Variants in CADM2 observed in about 807,000 individuals in gnomAD.
CADM2 encodes the protein immunoglobulin superfamily member 4D.
A neutral mutation model predicts 49.8 loss-of-function variants in CADM2; 12 were observed. The observed-to-expected ratio is 0.24, with a 90% CI of 0.15 to 0.39. The LOEUF is 0.39. CADM2 is among the 10% of genes least tolerant of loss of function. CADM2 has a pLI of 1.00. For missense variants in CADM2, 378 were observed against 492.3 expected (o/e 0.77, Z 2.20); for synonymous variants, 214 against 175.4 (o/e 1.22, Z -1.74).
chr3:85,794,009 C>T (rs2071483871), intron 2 of CADM2, among the ~76,000 whole-genome samples: 1 of 152,100 alleles, frequency 6.6e-6, no homozygotes. Context: ...CTTTAAGGTG[C>T]ATAAATATGG....
At chr3:85,602,209 A>T (rs1008098808) in intron 1 of CADM2, among the ~76,000 whole-genome samples, 1 of 151,786 alleles carries the variant, frequency 6.6e-6, no homozygotes, top group Non-Finnish European at 1.5e-5. Context: ...AACCATTTTA[A>T]TTTATGTTCT....
intron 3 of CADM2, among the ~76,000 whole-genome samples, chr3:85,815,138 G>A (rs1035399012): frequency 1.2e-4 from 18 of 151,984 alleles, no homozygotes; most frequent in Non-Finnish European, 1.5e-5. Flanking sequence ...AGAACCAGAC[G>A]GATTCACAGC....
At chr3:85,072,227 C>A (rs1489104323) in intron 1 of CADM2, among the ~76,000 whole-genome samples, 1 of 151,696 alleles carries the variant, frequency 6.6e-6, no homozygotes, top group Non-Finnish European at 1.5e-5. Flanking sequence ...AGAAAAAATT[C>A]CCCTGAAAGT....
chr3:85,460,284 A>AAC (rs1190282716), intron 1 of CADM2, among the ~76,000 whole-genome samples: 2 of 151,880 alleles, frequency 1.3e-5, no homozygotes, highest in Non-Finnish European at 2.9e-5. Flanking sequence ...GTTCAGAAAA[A>AAC]AAAATGTGTT....
At chr3:86,043,811 T>C (rs1345276251) in intron 8 of CADM2, among the ~76,000 whole-genome samples, 3 of 152,124 alleles carry the variant, frequency 2.0e-5, no homozygotes, top group Non-Finnish European at 4.4e-5. Flanking sequence ...CTTCAAACTA[T>C]ACTACAAGGC....
intron 3 of CADM2, among the ~76,000 whole-genome samples, chr3:85,876,493 G>T (rs13320560): frequency 6.6e-6 from 1 of 151,814 alleles, no homozygotes; most frequent in African/African-American, 2.4e-5. Context: ...TCCCAGTTTG[G>T]GAAAGTTTCA....
chr3:85,470,091 T>A (rs2038700878), intron 1 of CADM2, among the ~76,000 whole-genome samples: 1 of 152,152 alleles, frequency 6.6e-6, no homozygotes, highest in Admixed American at 6.5e-5. Flanking sequence ...TATATTTGAT[T>A]TACCTTCAGG....
At chr3:85,035,572 T>G (rs890678010) in intron 1 of CADM2, among the ~76,000 whole-genome samples, 2 of 152,214 alleles carry the variant, frequency 1.3e-5, no homozygotes, top group Non-Finnish European at 2.9e-5. Context: ...ATTTAAGTGT[T>G]TAATCCATTT....
intron 1 of CADM2, among the ~76,000 whole-genome samples, chr3:85,398,691 C>A (rs901831844): frequency 6.6e-6 from 1 of 152,214 alleles, no homozygotes; most frequent in South Asian, 2.1e-4. Flanking sequence ...TTTTAATGAT[C>A]GCCATTGTAA....
At chr3:85,069,547 A>G (rs1164823917) in intron 1 of CADM2, among the ~76,000 whole-genome samples, 6 of 152,146 alleles carry the variant, frequency 3.9e-5, no homozygotes, top group African/African-American at 1.4e-4. Flanking sequence ...TAAGTTTTCT[A>G]GTAGTACCAA....
chr3:85,472,883 T>G (rs1055480165), intron 1 of CADM2, among the ~76,000 whole-genome samples: 9 of 152,098 alleles, frequency 5.9e-5, no homozygotes, highest in Non-Finnish European at 8.8e-5. Context: ...GGCTTTAAAA[T>G]GTAGTCTTCT....
intron 1 of CADM2, among the ~76,000 whole-genome samples, chr3:85,496,845 A>C (rs2039925293): frequency 6.6e-6 from 1 of 151,660 alleles, no homozygotes; most frequent in East Asian, 1.9e-4. Flanking sequence ...GTCTTTATTT[A>C]TTTATTTTCT....
At chr3:85,153,071 C>A (rs1035668695) in intron 1 of CADM2, among the ~76,000 whole-genome samples, 1 of 151,818 alleles carries the variant, frequency 6.6e-6, no homozygotes, top group Non-Finnish European at 1.5e-5. Context: ...ATTAACACTG[C>A]GGGGGAGGAG....
chr3:85,465,140 ACT>A (rs1461713958), intron 1 of CADM2, among the ~76,000 whole-genome samples: 1 of 152,136 alleles, frequency 6.6e-6, no homozygotes, highest in Non-Finnish European at 1.5e-5. Flanking sequence ...ACAGAACGAG[ACT>A]CTGTCTCAAA....
chr3:85,605,506 A>G (rs2063517683), intron 1 of CADM2, among the ~76,000 whole-genome samples: 1 of 152,182 alleles, frequency 6.6e-6, no homozygotes, highest in East Asian at 1.9e-4. Context: ...TATAAGCAGG[A>G]TAAGACAGTT....
chr3:85,922,401 A>C (rs1354674040), intron 6 of CADM2, among the ~76,000 whole-genome samples: 2 of 152,148 alleles, frequency 1.3e-5, no homozygotes, highest in African/African-American at 4.8e-5. Context: ...TTTTTGTTTT[A>C]TACTCTAAGT....
At chr3:85,574,502 T>G (rs2062574202) in intron 1 of CADM2, among the ~76,000 whole-genome samples, 1 of 152,218 alleles carries the variant, frequency 6.6e-6, no homozygotes, top group South Asian at 2.1e-4. Context: ...AAGAATGTCT[T>G]CCTGTTATGT....
intron 3 of CADM2, among the ~76,000 whole-genome samples, chr3:85,863,143 G>A (rs1462303388): frequency 6.6e-6 from 1 of 152,150 alleles, no homozygotes; most frequent in Non-Finnish European, 1.5e-5. Context: ...GAATGACTAA[G>A]ATAAGATGAA....
rs1360984633 is a variant in CADM2, at chr3:86,070,436, G to T, written c.*3653G>T. 6.6e-6 allele frequency: 1 copy of T among 151,734 alleles called. No homozygotes were observed. Among genetic ancestry groups the T allele is most frequent in the Non-Finnish European group, 1.5e-5 (1 of 67,784 alleles). 9.4% of individuals were successfully genotyped at this position (151,734 alleles called of 1,614,324 possible). On this transcript the variant is annotated 3_prime_UTR_variant, in exon 10 of 10. Transcript: ENST00000383699. The stretch of plus-strand genomic sequence containing the variant: ...AAGGGGAACATTTCAAATGCCTTTT[G>T]TTTTTCTTTGGACATCAAGGTAATT...
Sources: allele counts gnomAD v4.1 joint callset (sites outside exome capture counted in the v4.1 genomes callset), GRCh38; gene constraint gnomAD v4.1.1; transcripts MANE v1.5; gene names NCBI Gene and HGNC (gene_info 2026-07-23, HGNC 2026-07-21).